Variants in SGCZ observed in about 807,000 individuals in gnomAD.
SGCZ encodes sarcoglycan zeta.
Under a neutral mutation model 41.3 loss-of-function variants are expected in SGCZ, and 40 were observed. That is an observed-to-expected ratio of 0.97 (90% CI 0.75 to 1.26). The LOEUF is 1.26. Among genes scored for constraint, SGCZ ranks in the 50% most tolerant of loss-of-function variants. SGCZ has a pLI of 0.00. For missense variants in SGCZ, 552 were observed against 369.8 expected, an observed-to-expected ratio of 1.49 and a Z score of -4.04; for synonymous variants, 206 against 137.5, an observed-to-expected ratio of 1.50 and a Z score of -3.49.
intron 1 of SGCZ, among the ~76,000 whole-genome samples, chr8:15,203,126 A>AAC (rs1339101657): frequency 1.3e-5 from 2 of 151,828 alleles, no homozygotes; most frequent in South Asian, 2.1e-4. Context: ...CAAACAAACA[A>AAC]AAAAAAACAC....
At chr8:14,792,827 A>G (rs1256065441) in intron 1 of SGCZ, among the ~76,000 whole-genome samples, 2 of 151,886 alleles carry the variant, frequency 1.3e-5, no homozygotes, top group African/African-American at 4.8e-5. Context: ...CTTTGCCCCT[A>G]AAGATTGGAG....
chr8:14,376,093 C>T (rs1804111316), intron 2 of SGCZ, among the ~76,000 whole-genome samples: 1 of 152,106 alleles, frequency 6.6e-6, no homozygotes, highest in African/African-American at 2.4e-5. Context: ...GCGGGTGGAT[C>T]ACAAGGTCTG....
chr8:14,646,079 A>G (rs1807204615), intron 1 of SGCZ, among the ~76,000 whole-genome samples: 2 of 151,820 alleles, frequency 1.3e-5, no homozygotes, highest in South Asian at 2.1e-4. Flanking sequence ...TTTATTTTAG[A>G]TACAGGGAAT....
In SGCZ at chr8:14,782,680, A is replaced by G. The variant is rs191124527; in HGVS notation, c.40-227754T>C. ...TTTTAGATGAATTATTGAGATGGTT[A>G]TAGAAAAAAAATTATTAGCAGATGC... On this transcript the variant is annotated intron_variant, in intron 1 of 7. Coordinates refer to ENST00000382080, the MANE Select transcript of SGCZ (RefSeq NM_139167.4). 1.3e-3 allele frequency among the ~76,000 whole-genome samples: 180 copies of G among 138,500 alleles called. 2 individuals carry two copies. In the South Asian group the frequency reaches 0.017, roughly 13 times the overall value. 90.9% of individuals were successfully genotyped at this position (138,500 alleles called of 152,430 possible). A position where few individuals can be genotyped will look rare whatever the true frequency, so the allele number is the denominator to read the frequency against.
rs572183099 is a variant in SGCZ at position 14,096,843 on chromosome 8, G to A, written c.744+5533C>T. Among the ~76,000 whole-genome samples the A allele has an allele frequency of 5.9e-5, 9 of 152,278 alleles. No individual in the cohort carries two copies. In the South Asian group the frequency reaches 1.7e-3, roughly 28 times the overall value. Reference sequence around the variant, plus strand: ...CTGGTTTAGTCTTGGGAAGGTGTATGTGTCCAGGAATTTATCCATTTCTTC... The same window carrying A: ...CTGGTTTAGTCTTGGGAAGGTGTATATGTCCAGGAATTTATCCATTTCTTC... On this transcript the variant is annotated intron_variant, in intron 7 of 7. Transcript: ENST00000382080.
At chr8:14,666,818 T>C (rs1269618964) in intron 1 of SGCZ, among the ~76,000 whole-genome samples, 3 of 152,068 alleles carry the variant, frequency 2.0e-5, no homozygotes, top group African/African-American at 7.2e-5. Context: ...GATATCTACA[T>C]GTTTGGGGGA....
chr8:14,939,056 G>C (rs1800179580), intron 1 of SGCZ, among the ~76,000 whole-genome samples: 1 of 152,140 alleles, frequency 6.6e-6, no homozygotes, highest in Non-Finnish European at 1.5e-5. Context: ...GGCAGAGCCA[G>C]CACCTCACTT....
chr8:14,577,688 C>T (rs146299182), intron 1 of SGCZ, among the ~76,000 whole-genome samples: 2 of 152,172 alleles, frequency 1.3e-5, no homozygotes, highest in African/African-American at 2.4e-5. Context: ...GCGCCTGGCC[C>T]CATTTTCAAT....
At chr8:14,232,210 T>C (rs952857037) in intron 4 of SGCZ, among the ~76,000 whole-genome samples, 1 of 151,830 alleles carries the variant, frequency 6.6e-6, no homozygotes, top group African/African-American at 2.4e-5. Context: ...GAAGTGCAAA[T>C]GAACAATCTT....
intron 1 of SGCZ, among the ~76,000 whole-genome samples, chr8:14,785,033 A>G (rs901415158): frequency 4.8e-5 from 7 of 147,352 alleles, no homozygotes; most frequent in African/African-American, 1.7e-4. Flanking sequence ...CTGATCAAGA[A>G]AAAGGATTTG....
At chr8:14,639,829 G>T (rs1320710288) in intron 1 of SGCZ, among the ~76,000 whole-genome samples, 8 of 151,158 alleles carry the variant, frequency 5.3e-5, no homozygotes, top group African/African-American at 1.9e-4. Flanking sequence ...ATGAGTTAAT[G>T]TGATTCCAGC....
intron 1 of SGCZ, among the ~76,000 whole-genome samples, chr8:15,205,019 A>AT (rs1273884208): frequency 6.6e-6 from 1 of 152,200 alleles, no homozygotes; most frequent in Non-Finnish European, 1.5e-5. Context: ...TTAAAATAGA[A>AT]TTTTTTCATG....
At chr8:14,167,412 T>C (rs570946129) in intron 4 of SGCZ, among the ~76,000 whole-genome samples, 1 of 152,230 alleles carries the variant, frequency 6.6e-6, no homozygotes, top group East Asian at 1.9e-4. Flanking sequence ...CCTTAACAAG[T>C]AGATCATAGG....
At chr8:14,139,496 A>T (rs1444028285) in intron 5 of SGCZ, among the ~76,000 whole-genome samples, 1 of 152,238 alleles carries the variant, frequency 6.6e-6, no homozygotes, top group Non-Finnish European at 1.5e-5. Flanking sequence ...ATAAAAAATG[A>T]TAAAGGGGAT....
At chr8:14,425,723 C>T (rs925573475) in intron 2 of SGCZ, among the ~76,000 whole-genome samples, 2 of 151,934 alleles carry the variant, frequency 1.3e-5, no homozygotes, top group Middle Eastern at 3.2e-3. Context: ...TACAATTTTG[C>T]TATGTTTCTT....
At chr8:14,829,062 GA>G (rs1802436741) in intron 1 of SGCZ, among the ~76,000 whole-genome samples, 2 of 152,020 alleles carry the variant, frequency 1.3e-5, no homozygotes, top group Admixed American at 1.3e-4. Context: ...ATGTGTCCCT[GA>G]AACCTTTGTG....
chr8:14,359,228 T>A (rs1803414873), intron 2 of SGCZ, among the ~76,000 whole-genome samples: 4 of 151,958 alleles, frequency 2.6e-5, no homozygotes, highest in Admixed American at 6.6e-5. Flanking sequence ...GATCCTAAAA[T>A]CACCAAGAGA....
At chr8:14,617,770 A>T (rs1370789926) in intron 1 of SGCZ, among the ~76,000 whole-genome samples, 1 of 152,122 alleles carries the variant, frequency 6.6e-6, no homozygotes, top group Non-Finnish European at 1.5e-5. Flanking sequence ...TGGGAATATT[A>T]TAAATCCCTC....
At chr8:14,381,602 CCG>C (rs1804367038) in intron 2 of SGCZ, among the ~76,000 whole-genome samples, 1 of 151,650 alleles carries the variant, frequency 6.6e-6, no homozygotes, top group African/African-American at 2.4e-5. Flanking sequence ...TGATGAAACC[CCG>C]GTTCTACAAA....
Sources: gnomAD v4.1 joint callset for allele counts (sites outside exome capture counted in the v4.1 genomes callset) on GRCh38, gnomAD v4.1.1 for gene constraint, MANE v1.5 for transcripts, NCBI Gene and HGNC (gene_info 2026-07-23, HGNC 2026-07-21) for gene names.